The following C16orf87 variants were observed in gnomAD, a reference collection of about 807,000 sequenced individuals.
C16orf87 encodes UPF0547 protein C16orf87.
In C16orf87, 13 loss-of-function variants were observed where a neutral mutation model predicts 21.0. The ratio of observed to expected loss-of-function variants is 0.62; its 90% CI spans 0.40 to 0.98. The LOEUF is 0.98. Ranked by LOEUF, C16orf87 falls within the 50% of genes least tolerant of loss-of-function variation. The pLI is 0.00. For missense variants in C16orf87, 113 were observed against 180.4 expected (o/e 0.63, Z 2.14); for synonymous variants, 49 against 60.2 (o/e 0.81, Z 0.86).
At chr16:46,805,955 C>T (rs971676727) in intron 3 of C16orf87, among the ~76,000 whole-genome samples, 2 of 152,168 alleles carry the variant, frequency 1.3e-5, no homozygotes, top group African/African-American at 4.8e-5. Context: ...GTATCCTGGC[C>T]GTCAACAGAC....
At chr16:46,812,241 C>A (rs1412582018) in intron 2 of C16orf87, among the ~76,000 whole-genome samples, 2 of 151,664 alleles carry the variant, frequency 1.3e-5, no homozygotes, top group African/African-American at 4.9e-5. Flanking sequence ...GAGACTCTGT[C>A]TCAATAAATA....
intron 1 of C16orf87, among the ~76,000 whole-genome samples, chr16:46,828,899 C>T (rs552813783): frequency 4.8e-4 from 73 of 152,116 alleles, no homozygotes; most frequent in Non-Finnish European, 9.4e-4. Flanking sequence ...GTTCATATCA[C>T]CAAAAGTTTT....
chr16:46,815,644 G>A (rs1968218510), intron 2 of C16orf87, among the ~76,000 whole-genome samples: 2 of 152,100 alleles, frequency 1.3e-5, no homozygotes, highest in African/African-American at 2.4e-5. Context: ...ATGCAAAGAT[G>A]TTCAATATCA....
At chr16:46,824,016 T>A (rs1959521503) in intron 2 of C16orf87, among the ~76,000 whole-genome samples, 1 of 152,210 alleles carries the variant, frequency 6.6e-6, no homozygotes, top group Admixed American at 6.5e-5. Flanking sequence ...TATACATATG[T>A]CAAAACTTAT....
At chr16:46,815,821 C>T (rs1019111243) in intron 2 of C16orf87, among the ~76,000 whole-genome samples, 17 of 152,220 alleles carry the variant, frequency 1.1e-4, no homozygotes, top group African/African-American at 3.9e-4. Flanking sequence ...TAAAATGGAG[C>T]TGCTATGGAA....
chr16:46,803,173 T>C lies in C16orf87; in HGVS notation c.347-103A>G. On this transcript the variant is annotated intron_variant, in intron 3 of 3. Transcript: ENST00000285697. ...TTTCTTTAAATGACAGTATTATATA[T>C]AATACTACAATATACATTAAATGTT... The C allele has an allele frequency of 1.4e-5, 8 of 578,468 alleles. No homozygotes were observed. In the South Asian group the frequency reaches 1.9e-4, roughly 14 times the overall value. 35.8% of individuals were successfully genotyped at this position (578,468 alleles called of 1,614,324 possible).
chr16:46,809,980 A>T (rs960980738), intron 2 of C16orf87, among the ~76,000 whole-genome samples, 195 bp from the exon 3 acceptor site: 1 of 152,246 alleles, frequency 6.6e-6, no homozygotes, highest in African/African-American at 2.4e-5. Flanking sequence ...AATTCAGATC[A>T]CAATAACACA....
Position 46,809,019 on chromosome 16 carries a change from CAAAAAAAAAA to C in C16orf87, c.346+574_346+583del, listed in dbSNP as rs776311594. Among the ~76,000 whole-genome samples, 3 of 51,556 alleles carry C rather than the reference CAAAAAAAAAA, an allele frequency of 5.8e-5. No individual in the cohort carries two copies. In the South Asian group the frequency reaches 2.3e-3, roughly 40 times the overall value. 33.8% of individuals were successfully genotyped at this position (51,556 alleles called of 152,430 possible). On this transcript the variant is annotated intron_variant, in intron 3 of 3. Coordinates refer to ENST00000285697, the MANE Select transcript of C16orf87 (RefSeq NM_001001436.4). ...AGAACTCAGACATGTCTTTAAAAGA[CAAAAAAAAAA>C]AAAAAAAAAAGAGGTCCCAACACTT...
intron 2 of C16orf87, among the ~76,000 whole-genome samples, chr16:46,811,809 T>C (rs977475550): frequency 6.6e-6 from 1 of 152,162 alleles, no homozygotes; most frequent in African/African-American, 2.4e-5. Flanking sequence ...CCAGGCTCAG[T>C]AGCTCATGCT....
At chr16:46,815,351 C>A (rs1968210264) in intron 2 of C16orf87, among the ~76,000 whole-genome samples, 2 of 145,612 alleles carry the variant, frequency 1.4e-5, no homozygotes. Flanking sequence ...GATATGATAC[C>A]AAAAGCGAAA....
chr16:46,828,450 C>T (rs553477480), intron 1 of C16orf87, among the ~76,000 whole-genome samples: 1 of 152,124 alleles, frequency 6.6e-6, no homozygotes, highest in Non-Finnish European at 1.5e-5. Flanking sequence ...GAATCTTGAG[C>T]ACTGATGCAC....
At chr16:46,815,377 G>GAAAAAAAAAAAAAAA (rs71134503) in intron 2 of C16orf87, among the ~76,000 whole-genome samples, 1 of 119,036 alleles carries the variant, frequency 8.4e-6, no homozygotes. Context: ...AGCAATGAAA[G>GAAAAAAAAAAAAAAA]AAAAAAAAAA....
intron 3 of C16orf87, among the ~76,000 whole-genome samples, chr16:46,808,425 A>G (rs1049520902): frequency 1.3e-5 from 2 of 152,246 alleles, no homozygotes; most frequent in Non-Finnish European, 2.9e-5. Flanking sequence ...AAACTGGTAG[A>G]ATGGTCTTAT....
chr16:46,830,244 G>C (rs888760379), intron 1 of C16orf87, among the ~76,000 whole-genome samples: 1 of 147,104 alleles, frequency 6.8e-6, no homozygotes, highest in African/African-American at 2.5e-5. Context: ...GAGATAGAGA[G>C]ATAGAGAGAT....
chr16:46,807,540 T>A lies in C16orf87; in HGVS notation c.346+2063A>T, dbSNP rs1029030597. 3.3e-5 allele frequency among the ~76,000 whole-genome samples: 5 copies of A among 152,204 alleles called. No individual in the cohort carries two copies. In the East Asian group the frequency reaches 9.6e-4, roughly 29 times the overall value. ...ATTACTGGAACACAGGCATGCCCATTCATTTATGCATGATTTATGGCTGCT... is the reference window on the plus strand; with the variant it reads ...ATTACTGGAACACAGGCATGCCCATACATTTATGCATGATTTATGGCTGCT... On this transcript the variant is annotated intron_variant, in intron 3 of 3. Transcript: ENST00000285697.
intron 3 of C16orf87, among the ~76,000 whole-genome samples, chr16:46,808,528 GTAAGAAAT>G (rs1212423533): frequency 2.6e-5 from 4 of 152,158 alleles, no homozygotes; most frequent in African/African-American, 9.7e-5. Flanking sequence ...CACAAATAGT[GTAAGAAAT>G]TAAAAATGCA....
At chr16:46,826,860 C>T (rs544017847) in intron 1 of C16orf87, among the ~76,000 whole-genome samples, 20 of 152,306 alleles carry the variant, frequency 1.3e-4, no homozygotes, top group South Asian at 4.1e-4. Flanking sequence ...ATCCAAAATA[C>T]GCAAATGCAT....
At chr16:46,830,246 T>TAG (rs928825681) in intron 1 of C16orf87, among the ~76,000 whole-genome samples, 210 of 64,964 alleles carry the variant, frequency 3.2e-3, no homozygotes, top group African/African-American at 0.011. Flanking sequence ...GATAGAGAGA[T>TAG]AGAGAGATAG....
rs1211661281 is a variant in C16orf87, at chr16:46,798,349, A to G, written c.*4603T>C. On this transcript the variant is annotated 3_prime_UTR_variant, in exon 4 of 4. Transcript: ENST00000285697. ...ATGGTGAAACTCCATCTCTACTAAAAATACAAAAAGAAGCTGGGTGTAGTG... is the reference window on the plus strand; with the variant it reads ...ATGGTGAAACTCCATCTCTACTAAAGATACAAAAAGAAGCTGGGTGTAGTG... 1 of 152,326 alleles carries G rather than the reference A, an allele frequency of 6.6e-6. No homozygotes were observed. Among genetic ancestry groups the G allele is most frequent in the Admixed American group, 6.5e-5 (1 of 15,280 alleles). The allele number at this position is 152,326 out of a possible 1,614,324, so 9.4% of individuals were successfully genotyped here. A position where few individuals can be genotyped will look rare whatever the true frequency, so the allele number is the denominator to read the frequency against.
Sources: gnomAD v4.1 joint callset for allele counts (sites outside exome capture counted in the v4.1 genomes callset) on GRCh38, gnomAD v4.1.1 for gene constraint, MANE v1.5 for transcripts, NCBI Gene and HGNC (gene_info 2026-07-23, HGNC 2026-07-21) for gene names.